Variants in CECR2 observed in about 807,000 individuals in gnomAD.
CECR2 encodes the protein chromatin remodeling regulator CECR2.
Under a neutral mutation model 154.5 loss-of-function variants are expected in CECR2, and 30 were observed. That is an observed-to-expected ratio of 0.19 (90% confidence interval 0.15 to 0.26). The LOEUF (loss-of-function observed/expected upper bound fraction) is 0.26, where lower values mean the gene tolerates loss of function less well. Ranked by LOEUF, CECR2 falls within the 10% of genes least tolerant of loss-of-function variation. CECR2 has a pLI of 1.00. For synonymous variants in CECR2, 725 were observed against 683.7 expected (o/e 1.06, Z -0.94); for missense variants, 1,743 against 1,829.3 (o/e 0.95, Z 0.86).
upstream of CECR2, among the ~76,000 whole-genome samples, chr22:17,364,722 T>C (rs1213698830): frequency 3.3e-5 from 5 of 151,996 alleles, no homozygotes; most frequent in Non-Finnish European, 5.9e-5. Flanking sequence ...CACGCACCTA[T>C]AGGCTGAGAC....
intron 10 of CECR2, among the ~76,000 whole-genome samples, chr22:17,537,759 G>C (rs1208738897): frequency 6.6e-6 from 1 of 152,202 alleles, no homozygotes; most frequent in Non-Finnish European, 1.5e-5. Context: ...TTGGGAGGCT[G>C]AGGTGGGCAG....
chr22:17,461,083 G>T (rs79780212), intron 1 of CECR2, among the ~76,000 whole-genome samples: 3,895 of 152,292 alleles, frequency 0.026, 91 homozygotes, highest in South Asian at 0.13. Flanking sequence ...CCATTACCGC[G>T]ATGGGTTTCC....
intron 1 of CECR2, chr22:17,477,163 G>C (rs747797804): frequency 1.4e-6 from 1 of 721,586 alleles, no homozygotes; most frequent in South Asian, 1.5e-5. Context: ...TGAGAAGGTT[G>C]AGTAAATGAC....
Position 17,409,281 on chromosome 22 carries a change from C to T in CECR2, c.126+39372C>T, listed in dbSNP as rs954051037. 1.8e-5 allele frequency among the ~76,000 whole-genome samples: 2 copies of T among 111,806 alleles called. 1 individual carries two copies. Among genetic ancestry groups the T allele is most frequent in the Non-Finnish European group, 4.3e-5 (2 of 46,734 alleles). 73.3% of individuals were successfully genotyped at this position (111,806 alleles called of 152,430 possible). ...CTGAGTAACTGGGATTACAGGCGCC[C>T]GCCACCACACCCAGCTAATTTTTGT... On this transcript the variant is annotated intron_variant, in intron 1 of 18. Coordinates refer to ENST00000262608, the MANE Select transcript of CECR2 (RefSeq NM_001290047.2).
intron 1 of CECR2, among the ~76,000 whole-genome samples, chr22:17,476,920 G>C (rs2522296): frequency 0.092 from 14,024 of 152,188 alleles, 678 homozygotes; most frequent in East Asian, 0.16. Flanking sequence ...CCAAACAATT[G>C]CTTGTTGGAA....
At chr22:17,432,428 A>G (rs1424441193) in intron 1 of CECR2, among the ~76,000 whole-genome samples, 1 of 152,158 alleles carries the variant, frequency 6.6e-6, no homozygotes, top group African/African-American at 2.4e-5. Flanking sequence ...TAATACTGCT[A>G]TGAATATTCC....
At chr22:17,545,571 ACGGT>A (rs2056600983) in intron 16 of CECR2, among the ~76,000 whole-genome samples, 1 of 151,540 alleles carries the variant, frequency 6.6e-6, no homozygotes, top group Non-Finnish European at 1.5e-5. Context: ...CTGGCTGAGC[ACGGT>A]GGCTCACATC....
intron 10 of CECR2, 26 bp from the exon 11 acceptor site, chr22:17,538,491 CTAT>C (rs779470342): frequency 6.2e-7 from 1 of 1,606,536 alleles, no homozygotes; most frequent in East Asian, 2.2e-5. Context: ...GTCAGAGTTA[CTAT>C]TAATTTCTTA....
chr22:17,503,711 A>G lies in CECR2; in HGVS notation c.700+580A>G, dbSNP rs534394180. 4.6e-5 allele frequency among the ~76,000 whole-genome samples: 7 copies of G among 152,292 alleles called. No individual in the cohort carries two copies. The South Asian group carries it at 1.2e-3, about 27-fold the overall frequency. ...TTACATTTTTTTTTAGTTGTTAACA[A>G]TGACTTTAACAGGAAAACCAGAAGT... On this transcript the variant is annotated intron_variant, in intron 6 of 18. Coordinates refer to ENST00000262608, the MANE Select transcript of CECR2 (RefSeq NM_001290047.2).
chr22:17,465,200 G>A (rs952289174), intron 1 of CECR2, among the ~76,000 whole-genome samples: 2 of 151,952 alleles, frequency 1.3e-5, no homozygotes, highest in African/African-American at 4.8e-5. Context: ...GTTTCACCGT[G>A]TTAGCCAGGA....
chr22:17,459,021 A>G (rs1181049714), intron 1 of CECR2, among the ~76,000 whole-genome samples: 1 of 152,252 alleles, frequency 6.6e-6, no homozygotes, highest in East Asian at 1.9e-4. Flanking sequence ...AAAGCAACTT[A>G]TACTTGGAAA....
At chr22:17,415,561 A>C (rs1164491299) in intron 1 of CECR2, among the ~76,000 whole-genome samples, 1 of 152,156 alleles carries the variant, frequency 6.6e-6, no homozygotes, top group Non-Finnish European at 1.5e-5. Context: ...TTAATGGTTC[A>C]TTTAAATTAC....
At chr22:17,506,108 A>G (rs1206781482) in intron 7 of CECR2, among the ~76,000 whole-genome samples, 6 of 151,960 alleles carry the variant, frequency 3.9e-5, no homozygotes, top group Non-Finnish European at 8.8e-5. Flanking sequence ...TGGCTTCCCA[A>G]AGTGCTGGGA....
rs2056715346 is a variant in CECR2, at chr22:17,552,018, C to T, written c.4278-13C>T. ...TTCATTAATTCTTCATTGCTTCTTT[C>T]TCGTGGCTGTAGAATGCAGATGCAC... On this transcript the variant is annotated splice_polypyrimidine_tract_variant and intron_variant, in intron 17 of 18. Transcript: ENST00000262608. 6.2e-7 allele frequency: 1 copy of T among 1,611,972 alleles called. No homozygotes were observed. Among genetic ancestry groups the T allele is most frequent in the African/African-American group, 1.3e-5 (1 of 74,860 alleles).
chr22:17,497,606 C>T lies in CECR2; in HGVS notation c.405+20C>T. The T allele has an allele frequency of 1.9e-6, 3 of 1,609,786 alleles. No individual in the cohort carries two copies. Among genetic ancestry groups the T allele is most frequent in the Non-Finnish European group, 2.6e-6 (3 of 1,176,312 alleles). ...CTAAAGGTATGCTTAACTGGCGAAC[C>T]TTTCCCTGTAGCTGTGAAAAGCCAG... is the stretch of plus-strand genomic sequence containing the variant. On this transcript the variant is annotated intron_variant, in intron 3 of 18. Transcript: ENST00000262608.
At chr22:17,519,296 T>G (rs1441624452) in intron 8 of CECR2, among the ~76,000 whole-genome samples, 53 of 147,568 alleles carry the variant, frequency 3.6e-4, no homozygotes, top group Admixed American at 6.6e-4. Context: ...TTTTGTGTTT[T>G]TTTTTTTTTT....
At chr22:17,496,837 C>G (rs2055637926) in intron 2 of CECR2, among the ~76,000 whole-genome samples, 1 of 152,194 alleles carries the variant, frequency 6.6e-6, no homozygotes, top group South Asian at 2.1e-4. Context: ...CCCATTCCAC[C>G]AGAATGTGCT....
rs1378762393 is a variant in CECR2, at chr22:17,512,382, G to T, written c.954+486G>T. On this transcript the variant is annotated intron_variant, in intron 8 of 18. Transcript: ENST00000262608. ...GAAATTATATAAATTTATATAAAAT[G>T]ATATAAATATATATGGTCAAAAAAC... Among the ~76,000 whole-genome samples the T allele has an allele frequency of 3.3e-5, 5 of 152,010 alleles. No homozygotes were observed. In the East Asian group the frequency reaches 9.7e-4, roughly 29 times the overall value.
At chr22:17,423,199 G>A (rs901655207) in intron 1 of CECR2, among the ~76,000 whole-genome samples, 5 of 152,080 alleles carry the variant, frequency 3.3e-5, no homozygotes, top group African/African-American at 7.2e-5. Context: ...GCCTTTTAGT[G>A]AGCACCTGCC....
Sources: allele counts gnomAD v4.1 joint callset (sites outside exome capture counted in the v4.1 genomes callset), GRCh38; gene constraint gnomAD v4.1.1; transcripts MANE v1.5; gene names NCBI Gene and HGNC (gene_info 2026-07-23, HGNC 2026-07-21).